Variants in PMS1 observed in about 807,000 individuals in gnomAD.
The protein encoded by PMS1 is PMS1 homolog 1, mismatch repair system component.
In PMS1, 79 loss-of-function variants were observed where a neutral mutation model predicts 93.1. The observed-to-expected ratio is 0.85, with a 90% CI of 0.71 to 1.02. The LOEUF (loss-of-function observed/expected upper bound fraction) is 1.02, where lower values mean the gene tolerates loss of function less well. Among genes scored for constraint, PMS1 ranks in the 50% least tolerant of loss-of-function variants. PMS1 has a pLI of 0.00. For missense variants in PMS1, 1,064 were observed against 1,085.3 expected, an observed-to-expected ratio of 0.98 and a Z score of 0.28; for synonymous variants, 335 against 363.4, an observed-to-expected ratio of 0.92 and a Z score of 0.89.
At chr2:189,861,082 G>C (rs954072316) in intron 9 of PMS1, among the ~76,000 whole-genome samples, 1 of 151,526 alleles carries the variant, frequency 6.6e-6, no homozygotes, top group Non-Finnish European at 1.5e-5. Flanking sequence ...GTTGGGTTTA[G>C]GTCTGCCATT....
At chr2:189,791,752 G>A in intron 1 of PMS1, 38 bp from the exon 2 acceptor site, 4 of 1,516,492 alleles carry the variant, frequency 2.6e-6, no homozygotes, top group Admixed American at 1.7e-5. Context: ...GGTCAGGAAT[G>A]CTTAACAATT....
chr2:189,822,316 T>C (rs2051993109), intron 5 of PMS1, among the ~76,000 whole-genome samples: 2 of 152,218 alleles, frequency 1.3e-5, no homozygotes, highest in Admixed American at 6.5e-5. Context: ...GAAACTCTTA[T>C]GTTTGACCCA....
intron 5 of PMS1, among the ~76,000 whole-genome samples, chr2:189,819,231 T>C (rs2051603328): frequency 6.6e-6 from 1 of 152,360 alleles, no homozygotes; most frequent in Admixed American, 6.5e-5. Context: ...TTCTTTTTTA[T>C]GGTTGAATAG....
chr2:189,876,150 T>G (rs1409213722), intron 12 of PMS1, among the ~76,000 whole-genome samples: 1 of 151,930 alleles, frequency 6.6e-6, no homozygotes, highest in Non-Finnish European at 1.5e-5. Context: ...CCTGTGAAAT[T>G]TTAGGGGAAC....
At chr2:189,807,045 T>G in intron 4 of PMS1, 1 of 183,446 alleles carries the variant, frequency 5.5e-6, no homozygotes, top group South Asian at 2.0e-4. Context: ...ATTGGATTCT[T>G]TTTTTCAAAT....
intron 4 of PMS1, 113 bp from the exon 5 acceptor site, chr2:189,817,904 T>C: frequency 1.3e-6 from 1 of 787,000 alleles, no homozygotes; most frequent in South Asian, 1.4e-5. Context: ...TTTCTAGAAT[T>C]GGAGGAGGAG....
chr2:189,816,753 T>G (rs1169265844), intron 4 of PMS1, among the ~76,000 whole-genome samples: 3 of 152,206 alleles, frequency 2.0e-5, no homozygotes, highest in Non-Finnish European at 2.9e-5. Flanking sequence ...CCATTTTCTT[T>G]GTGTTTTTGC....
intron 6 of PMS1, among the ~76,000 whole-genome samples, chr2:189,851,314 G>A (rs190681821): frequency 6.4e-4 from 98 of 152,248 alleles, no homozygotes; most frequent in African/African-American, 2.1e-3. Flanking sequence ...TCTCAGGGCA[G>A]ACTTTTTTTA....
rs1279175919 is a variant in PMS1, at chr2:189,839,381, G to A, written c.583-4583G>A. On this transcript the variant is annotated intron_variant, in intron 5 of 12. Coordinates refer to ENST00000441310, the MANE Select transcript of PMS1 (RefSeq NM_000534.5). ...AGATCTTTTTCTAATATCTATCTCT[G>A]ATCATGGTATTTTCCCAATTAGATT... is the stretch of plus-strand genomic sequence containing the variant. Among the ~76,000 whole-genome samples the A allele has an allele frequency of 2.6e-5, 4 of 152,184 alleles. No individual in the cohort carries two copies. The East Asian group carries it at 7.7e-4, about 29-fold the overall frequency.
Position 189,877,389 on chromosome 2 carries a change from G to A in PMS1, c.2752G>A (p.Gly918Ser), listed in dbSNP as rs751989008. Residue 918 changes from glycine (G) to serine (S), a missense_variant, in exon 13 of 13, where the codon GGT becomes AGT. Physicochemically the swap from Gly to Ser is moderately conservative, Grantham distance 56. Transcript: ENST00000441310. ...FGNEIKECVHGRPFFHHLTYL... is the reference protein window; with the variant it reads ...FGNEIKECVHSRPFFHHLTYL... ...AAATGAAATTAAAGAGTGTGTTCAT[G>A]GTCGCCCATTTTTTCATCATTTAAC... 5 of 1,613,282 alleles carry A rather than the reference G, an allele frequency of 3.1e-6. No individual in the cohort carries two copies. The South Asian group carries it at 5.5e-5, about 18-fold the overall frequency.
intron 2 of PMS1, among the ~76,000 whole-genome samples, chr2:189,792,850 C>T (rs1426197128): frequency 4.0e-5 from 6 of 150,678 alleles, no homozygotes; most frequent in South Asian, 2.1e-4. Context: ...CTCGCTTTTT[C>T]GCCCAGGCTG....
At position 189,806,961 on chromosome 2, in the gene PMS1, C is replaced by T. The variant is rs5743019; in HGVS notation, c.418+1207C>T. On this transcript the variant is annotated intron_variant, in intron 4 of 12. Coordinates refer to ENST00000441310, the MANE Select transcript of PMS1 (RefSeq NM_000534.5). ...GTAAATTCATGTTTAATTTTGTGTT[C>T]CCTCATTGCAGTTTATCAAAGTACA... The T allele has an allele frequency of 5.8e-3, 1,173 of 202,528 alleles. 16 individuals carry two copies. The highest frequency in any genetic ancestry group is 0.025 in the African/African-American group (1,107 of 43,432). 12.5% of individuals were successfully genotyped at this position (202,528 alleles called of 1,614,324 possible). A position where few individuals can be genotyped will look rare whatever the true frequency, so the allele number is the denominator to read the frequency against.
chr2:189,821,692 C>G (rs938518059), intron 5 of PMS1, among the ~76,000 whole-genome samples: 3 of 151,010 alleles, frequency 2.0e-5, no homozygotes, highest in African/African-American at 7.3e-5. Flanking sequence ...GCCTGTAATC[C>G]CAGCTACTTG....
chr2:189,839,632 CTG>C (rs1258961731), intron 5 of PMS1, among the ~76,000 whole-genome samples: 1 of 152,210 alleles, frequency 6.6e-6, no homozygotes, highest in Non-Finnish European at 1.5e-5. Context: ...TGTGGCTTCT[CTG>C]TGCAACTGAC....
At chr2:189,826,228 A>G (rs370926535) in intron 5 of PMS1, among the ~76,000 whole-genome samples, 79 of 152,222 alleles carry the variant, frequency 5.2e-4, no homozygotes, top group African/African-American at 1.8e-3. Context: ...CCCTCCCGCA[A>G]TCCCAGCCAG....
intron 3 of PMS1, among the ~76,000 whole-genome samples, chr2:189,799,984 C>T (rs1431421623): frequency 2.0e-5 from 3 of 152,234 alleles, no homozygotes; most frequent in Non-Finnish European, 4.4e-5. Flanking sequence ...TTCTGTGCTT[C>T]AGTTTCTTCA....
Position 189,863,891 on chromosome 2 carries a change from A to G in PMS1, c.2005A>G (p.Lys669Glu). 6.2e-7 allele frequency: 1 copy of G among 1,614,106 alleles called. No individual in the cohort carries two copies. The part of the protein sequence containing the change: ...AWNLAQKHKL[K>E]TSLSNQPKLD... ...GAATTTGGCCCAGAAGCACAAGTTA[A>G]AAACCTCATTATCTAATCAACCAAA... Residue 669 changes from lysine to glutamate, a missense_variant, in exon 10 of 13, where the codon AAA becomes GAA. Physicochemically the swap from Lys to Glu is moderately conservative, Grantham distance 56. Transcript: ENST00000441310.
chr2:189,805,609 A>G, intron 3 of PMS1, 43 bp from the exon 4 acceptor site: 1 of 1,429,460 alleles, frequency 7.0e-7, no homozygotes, highest in Non-Finnish European at 9.9e-7. Context: ...AACCCATCGC[A>G]ATATCTAAAG....
chr2:189,828,887 G>GA (rs35103661), intron 5 of PMS1, among the ~76,000 whole-genome samples: 40,993 of 117,634 alleles, frequency 0.35, 6,833 homozygotes, highest in African/African-American at 0.48. Flanking sequence ...GTGTGTCTCT[G>GA]AAAAAAAAAA....
Sources: gnomAD v4.1 joint callset for allele counts (sites outside exome capture counted in the v4.1 genomes callset) on GRCh38, gnomAD v4.1.1 for gene constraint, MANE v1.5 for transcripts, NCBI Gene and HGNC (gene_info 2026-07-23, HGNC 2026-07-21) for gene names.